The following SLC38A4 variants were observed in gnomAD, a reference collection of about 807,000 sequenced individuals.
SLC38A4 encodes solute carrier family 38 member 4.
A neutral mutation model predicts 63.1 loss-of-function variants in SLC38A4; 20 were observed. The ratio of observed to expected loss-of-function variants is 0.32; its 90% CI spans 0.22 to 0.46. The LOEUF (loss-of-function observed/expected upper bound fraction) is 0.46, where lower values mean the gene tolerates loss of function less well. Among genes scored for constraint, SLC38A4 ranks in the 20% least tolerant of loss-of-function variants. The pLI is 1.00. For synonymous variants in SLC38A4, 230 were observed against 225.5 expected, an observed-to-expected ratio of 1.02 and a Z score of -0.18; for missense variants, 526 against 663.6, an observed-to-expected ratio of 0.79 and a Z score of 2.28.
intron 1 of SLC38A4, among the ~76,000 whole-genome samples, chr12:46,824,970 C>G (rs571697598): frequency 8.3e-4 from 127 of 152,188 alleles, no homozygotes; most frequent in Middle Eastern, 3.4e-3. Flanking sequence ...CTGGAGGAAA[C>G]CAGGTGAAAG....
intron 1 of SLC38A4, among the ~76,000 whole-genome samples, chr12:46,819,319 A>C (rs1939498019): frequency 6.6e-6 from 1 of 151,648 alleles, no homozygotes; most frequent in African/African-American, 2.4e-5. Flanking sequence ...AGAGAGAGAG[A>C]GAATATGAGA....
intron 1 of SLC38A4, among the ~76,000 whole-genome samples, chr12:46,813,812 GTGCC>G (rs962653653): frequency 2.0e-5 from 3 of 151,998 alleles, no homozygotes; most frequent in Non-Finnish European, 2.9e-5. Context: ...GATAATAATA[GTGCC>G]TACCTCACAG....
chr12:46,783,577 GAGGAGAGGTTCAAGAGATAAGT>G (rs1938695699), intron 7 of SLC38A4, among the ~76,000 whole-genome samples: 1 of 152,074 alleles, frequency 6.6e-6, no homozygotes, highest in South Asian at 2.1e-4. Flanking sequence ...GACGGACAGA[GAGGAGAGGTTCAAGAGATAAGT>G]AAGAGATCAA....
In SLC38A4 at chr12:46,766,267, C is replaced by A; in HGVS notation, c.*434G>T. 2.4e-6 allele frequency: 1 copy of A among 415,548 alleles called. No homozygotes were observed. 25.7% of individuals were successfully genotyped at this position (415,548 alleles called of 1,614,324 possible). A position where few individuals can be genotyped will look rare whatever the true frequency, so the allele number is the denominator to read the frequency against. On this transcript the variant is annotated 3_prime_UTR_variant, in exon 17 of 17. Coordinates refer to ENST00000266579, the MANE Select transcript of SLC38A4 (RefSeq NM_018018.5). ...ACTTTGGTGCAAGACTGAGAGAAGA[C>A]ATTAAATGGTGATAGCTTTGCCACC...
intron 1 of SLC38A4, among the ~76,000 whole-genome samples, chr12:46,817,255 G>A (rs565510775): frequency 5.9e-5 from 9 of 151,884 alleles, no homozygotes; most frequent in African/African-American, 1.7e-4. Flanking sequence ...AAACTCATAC[G>A]ACTTTGTTGT....
At chr12:46,819,174 C>T (rs539019898) in intron 1 of SLC38A4, among the ~76,000 whole-genome samples, 42 of 151,434 alleles carry the variant, frequency 2.8e-4, no homozygotes, top group Non-Finnish European at 4.1e-4. Context: ...TCAAATAAAA[C>T]GTAAGATGTG....
chr12:46,815,940 A>G (rs1385604732), intron 1 of SLC38A4, among the ~76,000 whole-genome samples: 5 of 151,868 alleles, frequency 3.3e-5, no homozygotes, highest in African/African-American at 4.8e-5. Flanking sequence ...AACGTTTCAT[A>G]CATAGAAAGC....
chr12:46,822,462 A>G (rs1429635667), intron 1 of SLC38A4, among the ~76,000 whole-genome samples: 2 of 152,154 alleles, frequency 1.3e-5, no homozygotes, highest in African/African-American at 4.8e-5. Context: ...CAACTTACTC[A>G]AAGACCAAAG....
chr12:46,821,071 A>G (rs118149057), intron 1 of SLC38A4, among the ~76,000 whole-genome samples: 1,737 of 152,130 alleles, frequency 0.011, 22 homozygotes, highest in East Asian at 0.064. Context: ...TAATTTCATC[A>G]GATACATGGT....
intron 1 of SLC38A4, among the ~76,000 whole-genome samples, chr12:46,811,926 A>G (rs899474447): frequency 2.6e-5 from 4 of 152,004 alleles, no homozygotes; most frequent in African/African-American, 9.7e-5. Context: ...TTAACTATAG[A>G]AATCCTGACT....
intron 15 of SLC38A4, 65 bp downstream of exon 15, chr12:46,769,219 C>A: frequency 6.4e-7 from 1 of 1,570,650 alleles, no homozygotes; most frequent in African/African-American, 1.3e-5. Flanking sequence ...AGCACTGGTT[C>A]CCTGTCCATC....
Position 46,765,190 on chromosome 12 carries a change from T to A in SLC38A4, c.*1511A>T, listed in dbSNP as rs55642677. On this transcript the variant is annotated 3_prime_UTR_variant, in exon 17 of 17. Transcript: ENST00000266579. ...ACTAAAATATAAAATACACAAGTGA[T>A]CTTACTATGATTTGAAAAAAAGGTA... 4,377 of 154,914 alleles carry A rather than the reference T, an allele frequency of 0.028. 84 individuals carry two copies. The highest frequency in any genetic ancestry group is 0.042 in the Non-Finnish European group (2,929 of 69,512). 9.6% of individuals were successfully genotyped at this position (154,914 alleles called of 1,614,324 possible).
At chr12:46,818,602 C>T (rs867641089) in intron 1 of SLC38A4, among the ~76,000 whole-genome samples, 1 of 151,622 alleles carries the variant, frequency 6.6e-6, no homozygotes. Flanking sequence ...ATAAGGAACC[C>T]TCAGCTGGCA....
chr12:46,806,435 TGGTGGA>T (rs1418777108), intron 1 of SLC38A4, among the ~76,000 whole-genome samples: 1 of 151,530 alleles, frequency 6.6e-6, no homozygotes, highest in Non-Finnish European at 1.5e-5. Flanking sequence ...GTGGAGGTGG[TGGTGGA>T]GGTGGAGGTG....
Position 46,788,495 on chromosome 12 carries a change from C to T in SLC38A4, c.210+33G>A. 2.6e-6 allele frequency: 4 copies of T among 1,551,028 alleles called. No individual in the cohort carries two copies. In the South Asian group the frequency reaches 3.3e-5, roughly 13 times the overall value. Reference sequence around the variant, plus strand: ...CTAGGTAGATCAGACACCCTCAGTCCCGTTTATTGCCTGAAAGCATAGATT... The same window carrying T: ...CTAGGTAGATCAGACACCCTCAGTCTCGTTTATTGCCTGAAAGCATAGATT... On this transcript the variant is annotated intron_variant, in intron 4 of 16. Transcript: ENST00000266579.
intron 1 of SLC38A4, among the ~76,000 whole-genome samples, chr12:46,813,491 G>A (rs10437941): frequency 0.17 from 25,263 of 151,966 alleles, 3,465 homozygotes; most frequent in African/African-American, 0.38. Context: ...CCACTCTGCT[G>A]CCTAGGAGCT....
intron 4 of SLC38A4, 59 bp from the exon 5 acceptor site, chr12:46,788,090 G>T (rs527314823): frequency 1.6e-6 from 2 of 1,279,560 alleles, no homozygotes; most frequent in African/African-American, 1.5e-5. Context: ...ACCTTTAGGG[G>T]TTATCCTTAT....
At chr12:46,780,175 G>A (rs1317246895) in intron 7 of SLC38A4, 145 bp from the exon 8 acceptor site, 5 of 647,446 alleles carry the variant, frequency 7.7e-6, no homozygotes, top group Admixed American at 2.5e-5. Flanking sequence ...CTGCTTCCAA[G>A]TTCTCTTCCA....
upstream of SLC38A4, among the ~76,000 whole-genome samples, chr12:46,827,396 G>T (rs1334535694): frequency 6.6e-6 from 1 of 152,170 alleles, no homozygotes; most frequent in African/African-American, 2.4e-5. Context: ...TGGTAAAGAG[G>T]TATGCAGACC....
Sources: gnomAD v4.1 joint callset for allele counts (sites outside exome capture counted in the v4.1 genomes callset) on GRCh38, gnomAD v4.1.1 for gene constraint, MANE v1.5 for transcripts, NCBI Gene and HGNC (gene_info 2026-07-23, HGNC 2026-07-21) for gene names.